The following KIAA1217 variants were observed in gnomAD, a reference collection of about 807,000 sequenced individuals.
KIAA1217 encodes sickle tail protein homolog.
In KIAA1217, 88 loss-of-function variants were observed where a neutral mutation model predicts 163.9. The observed-to-expected ratio is 0.54, with a 90% CI of 0.45 to 0.64. KIAA1217 has a LOEUF of 0.64. Ranked by LOEUF, KIAA1217 falls within the 30% of genes least tolerant of loss-of-function variation. The probability of loss-of-function intolerance (pLI) is 0.00; values close to 1 mark genes in which losing one functional copy is unlikely to be tolerated. For missense variants in KIAA1217, 2,372 were observed against 2,475.0 expected, an observed-to-expected ratio of 0.96 and a Z score of 0.88; for synonymous variants, 903 against 923.1, an observed-to-expected ratio of 0.98 and a Z score of 0.39.
chr10:24,204,475 A>C (rs761474480), upstream of KIAA1217, among the ~76,000 whole-genome samples: 11 of 152,186 alleles, frequency 7.2e-5, no homozygotes, highest in Non-Finnish European at 1.5e-4. Context: ...TTTAAGATTA[A>C]TTATTTTTTA....
intron 1 of KIAA1217, among the ~76,000 whole-genome samples, chr10:23,985,041 C>G (rs1845915630): frequency 6.6e-6 from 1 of 152,062 alleles, no homozygotes; most frequent in African/African-American, 2.4e-5. Context: ...AAAAGAAGTC[C>G]TTTGAGCTGA....
intron 3 of KIAA1217, among the ~76,000 whole-genome samples, chr10:24,410,146 G>A (rs914688198): frequency 2.6e-5 from 4 of 151,558 alleles, no homozygotes; most frequent in South Asian, 4.2e-4. Flanking sequence ...ACAGGCACCC[G>A]CCACCACGCC....
At chr10:24,305,395 G>C (rs2041894929) in intron 2 of KIAA1217, among the ~76,000 whole-genome samples, 1 of 152,234 alleles carries the variant, frequency 6.6e-6, no homozygotes. Context: ...AACAAGGAGA[G>C]GGTTGAGGTG....
In KIAA1217 at chr10:23,737,277, C is replaced by T. The variant is rs568569239; in HGVS notation, c.-321+42043C>T. Among the ~76,000 whole-genome samples, 3 of 152,244 alleles carry T rather than the reference C, an allele frequency of 2.0e-5. No individual in the cohort carries two copies. The East Asian group carries it at 5.8e-4, about 29-fold the overall frequency. On this transcript the variant is annotated intron_variant, in intron 1 of 18. Coordinates refer to the KIAA1217 transcript ENST00000376462. ...CACAGTGCATGATCTCAGCTCACTGCCACCTCTGCCTCCCAGGTTCAAGCG... is the reference window on the plus strand; with the variant it reads ...CACAGTGCATGATCTCAGCTCACTGTCACCTCTGCCTCCCAGGTTCAAGCG...
intron 2 of KIAA1217, among the ~76,000 whole-genome samples, chr10:24,033,173 A>G (rs976094425): frequency 3.7e-4 from 56 of 152,362 alleles, no homozygotes; most frequent in African/African-American, 1.3e-3. Context: ...ATCATGGTAT[A>G]AAGCAACTTT....
intron 1 of KIAA1217, among the ~76,000 whole-genome samples, chr10:23,831,404 T>C (rs1838192155): frequency 2.0e-5 from 3 of 152,064 alleles, no homozygotes; most frequent in African/African-American, 7.2e-5. Flanking sequence ...AAGGAGTTAG[T>C]ATCCAAAATA....
intron 3 of KIAA1217, among the ~76,000 whole-genome samples, chr10:24,402,453 G>A (rs571713734): frequency 6.3e-4 from 94 of 148,588 alleles, no homozygotes; most frequent in African/African-American, 2.3e-3. Flanking sequence ...AGCTTGCAGT[G>A]AGCCGAGATC....
At chr10:24,330,265 A>T (rs953360677) in intron 2 of KIAA1217, among the ~76,000 whole-genome samples, 1 of 149,322 alleles carries the variant, frequency 6.7e-6, no homozygotes. Context: ...ACACCACTGC[A>T]CTCCAGCCTA....
chr10:24,388,410 A>G (rs1160683109), intron 3 of KIAA1217, among the ~76,000 whole-genome samples: 1 of 152,240 alleles, frequency 6.6e-6, no homozygotes, highest in Non-Finnish European at 1.5e-5. Flanking sequence ...AAATTAATTC[A>G]AGATGAATTA....
At chr10:23,748,902 A>C (rs373725117) in intron 1 of KIAA1217, among the ~76,000 whole-genome samples, 125 of 152,242 alleles carry the variant, frequency 8.2e-4, no homozygotes, top group African/African-American at 2.9e-3. Flanking sequence ...GTCTTAAAAA[A>C]TGATCCACTC....
chr10:24,081,291 T>C (rs2061529696), intron 2 of KIAA1217, among the ~76,000 whole-genome samples: 2 of 152,194 alleles, frequency 1.3e-5, no homozygotes, highest in African/African-American at 4.8e-5. Context: ...ATGTCTTAAA[T>C]GGCTACGCTA....
intron 2 of KIAA1217, among the ~76,000 whole-genome samples, chr10:24,129,936 C>G (rs1051218723): frequency 1.3e-5 from 2 of 152,112 alleles, no homozygotes; most frequent in Non-Finnish European, 2.9e-5. Context: ...CTGCATGTGT[C>G]TCTGCCCACA....
chr10:23,716,730 C>G (rs976359584), intron 1 of KIAA1217, among the ~76,000 whole-genome samples: 3 of 152,108 alleles, frequency 2.0e-5, no homozygotes, highest in Non-Finnish European at 4.4e-5. Flanking sequence ...CTCTATTGTG[C>G]ATATTCAAAT....
intron 2 of KIAA1217, among the ~76,000 whole-genome samples, chr10:24,135,494 G>T (rs7913498): frequency 0.012 from 1,854 of 152,048 alleles, 35 homozygotes; most frequent in African/African-American, 0.043. Flanking sequence ...AGTGCTCAGG[G>T]AGGCAGAAAT....
intron 2 of KIAA1217, among the ~76,000 whole-genome samples, chr10:24,176,995 G>A (rs989569209): frequency 1.5e-4 from 23 of 151,904 alleles, no homozygotes; most frequent in African/African-American, 4.4e-4. Context: ...GCCCGGGGCC[G>A]GTGGTGCCAG....
At chr10:24,383,901 T>G (rs187654655) in intron 3 of KIAA1217, among the ~76,000 whole-genome samples, 13 of 152,274 alleles carry the variant, frequency 8.5e-5, no homozygotes, top group South Asian at 6.2e-4. Flanking sequence ...TCACAGCAAG[T>G]GCAAATGCAG....
At chr10:23,804,963 C>A (rs1836665717) in intron 1 of KIAA1217, among the ~76,000 whole-genome samples, 1 of 152,122 alleles carries the variant, frequency 6.6e-6, no homozygotes, top group African/African-American at 2.4e-5. Context: ...TACCATCTAA[C>A]ACAAGTCAGA....
intron 1 of KIAA1217, among the ~76,000 whole-genome samples, chr10:23,842,284 G>C (rs766550690): frequency 5.9e-5 from 9 of 152,244 alleles, no homozygotes; most frequent in Middle Eastern, 6.8e-3. Context: ...AAACTCCTAA[G>C]TTCAAATATT....
chr10:24,471,085 A>G, intron 5 of KIAA1217, among the ~76,000 whole-genome samples: 1 of 152,166 alleles, frequency 6.6e-6, no homozygotes, highest in East Asian at 1.9e-4. Context: ...TTTTTGTGAT[A>G]AAGAAGCAGT....
Sources: gnomAD v4.1 joint callset for allele counts (sites outside exome capture counted in the v4.1 genomes callset) on GRCh38, gnomAD v4.1.1 for gene constraint, MANE v1.5 for transcripts, NCBI Gene and HGNC (gene_info 2026-07-23, HGNC 2026-07-21) for gene names.